The following RARG variants were observed in gnomAD, a reference collection of about 807,000 sequenced individuals.
RARG encodes the protein retinoic acid receptor gamma, also known as RAR-gamma.
A neutral mutation model predicts 43.7 loss-of-function variants in RARG; 17 were observed. That is an observed-to-expected ratio of 0.39 (90% CI 0.27 to 0.58). The LOEUF (loss-of-function observed/expected upper bound fraction) is 0.58. Among genes scored for constraint, RARG ranks in the 20% least tolerant of loss-of-function variants. The pLI is 0.57. For missense variants in RARG, 346 were observed against 598.7 expected, an observed-to-expected ratio of 0.58 and a Z score of 4.40; for synonymous variants, 238 against 236.4, an observed-to-expected ratio of 1.01 and a Z score of -0.06.
At chr12:53,212,169 G>C (rs1013131574) in intron 9 of RARG, among the ~76,000 whole-genome samples, 1 of 152,150 alleles carries the variant, frequency 6.6e-6, no homozygotes, top group Non-Finnish European at 1.5e-5. Context: ...CCCCACTCTC[G>C]AATGTCCAGA....
intron 2 of RARG, among the ~76,000 whole-genome samples, chr12:53,228,302 C>T (rs958212460): frequency 2.0e-5 from 3 of 152,186 alleles, no homozygotes; most frequent in Non-Finnish European, 4.4e-5. Context: ...CTCTCTGTGC[C>T]TCAGTTTCTT....
intron 7 of RARG, 56 bp downstream of exon 7, chr12:53,214,003 G>C: frequency 6.5e-7 from 1 of 1,543,380 alleles, no homozygotes; most frequent in Admixed American, 1.7e-5. Flanking sequence ...TCAAGGAATT[G>C]TTGAGGGTCC....
rs1942682028 is a variant in RARG, at chr12:53,213,924, G to C, written c.813+135C>G. ...ATCAGGTCATAGGGGCAGAGGCTAA[G>C]ACGAAAAGAGAGCTGAGGAGTCCCA... is the stretch of plus-strand genomic sequence containing the variant. On this transcript the variant is annotated intron_variant, in intron 7 of 9. Transcript: ENST00000425354. This position sits in a 1 kb window ranked among gnomAD's most constrained non-coding sequence, Gnocchi z 4.7. 8.4e-7 allele frequency: 1 copy of C among 1,193,742 alleles called. No individual in the cohort carries two copies. Among genetic ancestry groups the C allele is most frequent in the African/African-American group, 1.5e-5 (1 of 65,620 alleles). The allele number at this position is 1,193,742 out of a possible 1,614,324, so 73.9% of individuals were successfully genotyped here.
intron 3 of RARG, among the ~76,000 whole-genome samples, chr12:53,222,239 G>GAAAGA (rs1555181735): frequency 1.6e-3 from 156 of 96,264 alleles, no homozygotes; most frequent in Middle Eastern, 0.01. Flanking sequence ...GAGAGAGAAA[G>GAAAGA]AAAAGAAAGA....
rs76469686 is a variant in RARG, at chr12:53,226,124, T to A, written c.184+1238A>T. Reference sequence around the variant, plus strand: ...CAGCCTCCATGTAATTCAAAGCAATTTCACCTTTTTTTCTCTCTCTCTCAG... The same window carrying A: ...CAGCCTCCATGTAATTCAAAGCAATATCACCTTTTTTTCTCTCTCTCTCAG... On this transcript the variant is annotated intron_variant, in intron 3 of 9. Transcript: ENST00000425354. Among the ~76,000 whole-genome samples, 688 of 152,234 alleles carry A rather than the reference T, an allele frequency of 4.5e-3. 3 individuals are homozygous for A. The highest frequency in any genetic ancestry group is 0.016 in the African/African-American group (649 of 41,542).
In RARG at chr12:53,211,913, C is replaced by T; in HGVS notation, c.1178-50G>A. 7.5e-7 allele frequency: 1 copy of T among 1,329,988 alleles called. No individual in the cohort carries two copies. 82.4% of individuals were successfully genotyped at this position (1,329,988 alleles called of 1,614,324 possible). A position where few individuals can be genotyped will look rare whatever the true frequency, so the allele number is the denominator to read the frequency against. On this transcript the variant is annotated intron_variant, in intron 9 of 9. Transcript: ENST00000425354. The surrounding 1 kb of genome is among the most constrained non-coding windows in gnomAD (Gnocchi z 4.6). The stretch of plus-strand genomic sequence containing the variant: ...GGCTCAGGAGGACAGAGGCACATGG[C>T]CCTTAAGGCCATCTCCCTAACCTTT...
chr12:53,213,878 C>G lies in RARG; in HGVS notation c.814-178G>C, dbSNP rs1393211021. 4.7e-6 allele frequency: 5 copies of G among 1,060,352 alleles called. No individual in the cohort carries two copies. The African/African-American group carries it at 6.3e-5, about 13-fold the overall frequency. The allele number at this position is 1,060,352 out of a possible 1,614,324, so 65.7% of individuals were successfully genotyped here. Reference sequence around the variant, plus strand: ...GTAGTCCCGGGAAGTCAGGAGGAGACAGGGCATCCAAAAGTCTAGGATCAG... The same window carrying G: ...GTAGTCCCGGGAAGTCAGGAGGAGAGAGGGCATCCAAAAGTCTAGGATCAG... On this transcript the variant is annotated intron_variant, in intron 7 of 9. Transcript: ENST00000425354. This position sits in a 1 kb window ranked among gnomAD's most constrained non-coding sequence, Gnocchi z 4.7.
chr12:53,226,385 T>G (rs935205858), intron 3 of RARG, among the ~76,000 whole-genome samples: 2 of 152,198 alleles, frequency 1.3e-5, no homozygotes, highest in Non-Finnish European at 1.5e-5. Context: ...TGGAGTGCAG[T>G]GGCACGATCT....
chr12:53,223,800 A>G (rs2120712330), intron 3 of RARG, among the ~76,000 whole-genome samples: 1 of 152,206 alleles, frequency 6.6e-6, no homozygotes, highest in Admixed American at 6.5e-5. Flanking sequence ...TCTTTTAAGC[A>G]AGACTTTCTC....
intron 3 of RARG, among the ~76,000 whole-genome samples, chr12:53,225,021 T>C (rs2120718889): frequency 6.6e-6 from 1 of 152,204 alleles, no homozygotes; most frequent in African/African-American, 2.4e-5. Flanking sequence ...CCACTCCATC[T>C]CCTTTACTTG....
At chr12:53,219,528 G>A (rs1327807473) in intron 3 of RARG, among the ~76,000 whole-genome samples, 2 of 152,192 alleles carry the variant, frequency 1.3e-5, no homozygotes, top group African/African-American at 4.8e-5. Context: ...ACACCACCTA[G>A]GCAAGGCGCT....
At chr12:53,226,108 T>C (rs527720157) in intron 3 of RARG, among the ~76,000 whole-genome samples, 4 of 152,342 alleles carry the variant, frequency 2.6e-5, no homozygotes, top group Admixed American at 2.6e-4. Context: ...GCAGCCTCCA[T>C]GTAATTCAAA....
rs1942560763 is a variant in RARG, at chr12:53,210,592, C to A, written c.*1084G>T. ...CATGAGTTTCCATCACTTTATTTTG[C>A]AAAAATAGAAAACTCAGCAATATGC... On this transcript the variant is annotated 3_prime_UTR_variant, in exon 10 of 10. Transcript: ENST00000425354. 1 of 152,582 alleles carries A rather than the reference C, an allele frequency of 6.6e-6. No homozygotes were observed. Among genetic ancestry groups the A allele is most frequent in the African/African-American group, 2.4e-5 (1 of 41,428 alleles). 9.5% of individuals were successfully genotyped at this position (152,582 alleles called of 1,614,324 possible). A position where few individuals can be genotyped will look rare whatever the true frequency, so the allele number is the denominator to read the frequency against.
At chr12:53,225,220 T>G (rs1175234645) in intron 3 of RARG, among the ~76,000 whole-genome samples, 1 of 152,180 alleles carries the variant, frequency 6.6e-6, no homozygotes, top group Non-Finnish European at 1.5e-5. Flanking sequence ...TGTGCTGTCT[T>G]GTTCACCTAC....
Position 53,227,472 on chromosome 12 carries a change from A to G in RARG, c.74T>C (p.Phe25Ser). Residue 25 changes from phenylalanine to serine, a missense_variant, in exon 3 of 10, where the codon TTC becomes TCC. Physicochemically the swap from Phe to Ser is radical, Grantham distance 155. This residue lies in a region of RARG where 90 missense variants were observed against 93.2 expected (regional missense o/e 0.97). Coordinates refer to ENST00000425354, the MANE Select transcript of RARG (RefSeq NM_000966.6). The surrounding 1 kb of genome is among the most constrained non-coding windows in gnomAD (Gnocchi z 4.3). ...GAGTGCCCCTGGGAAGGCGAAGGGG[A>G]AACCTGCCCCTGGGTAGCCAGATCC... ...GPGSGYPGAG[F>S]PFAFPGALRG... The G allele has an allele frequency of 6.2e-7, 1 of 1,610,254 alleles. No homozygotes were observed. The highest frequency in any genetic ancestry group is 8.5e-7 in the Non-Finnish European group (1 of 1,178,442).
intron 3 of RARG, among the ~76,000 whole-genome samples, chr12:53,223,967 G>A (rs544538808): frequency 2.0e-5 from 3 of 152,236 alleles, no homozygotes; most frequent in East Asian, 3.9e-4. Context: ...TATCTGCTCA[G>A]GGGTGGGAGG....
rs1460441119 is a variant in RARG, at chr12:53,232,088, G to A, written c.-324C>T. On this transcript the variant is annotated 5_prime_UTR_variant, in exon 1 of 10. Coordinates refer to ENST00000425354, the MANE Select transcript of RARG (RefSeq NM_000966.6). The stretch of plus-strand genomic sequence containing the variant: ...CGCCGTACTGGGGGGCTCCTGGGGG[G>A]GCACGGCTCTAGGCTGGGACTGTCC... The A allele has an allele frequency of 7.5e-6, 3 of 398,512 alleles. No homozygotes were observed. Among genetic ancestry groups the A allele is most frequent in the Non-Finnish European group, 1.3e-5 (3 of 226,076 alleles). 24.7% of individuals were successfully genotyped at this position (398,512 alleles called of 1,614,324 possible).
rs747123379 is a variant in RARG, at chr12:53,213,469, A to G, written c.1018+27T>C. 6.2e-7 allele frequency: 1 copy of G among 1,608,424 alleles called. No individual in the cohort carries two copies. Among genetic ancestry groups the G allele is most frequent in the Non-Finnish European group, 8.5e-7 (1 of 1,177,150 alleles). ...TGGTGGGAAAGGAGACTGAGCACTG[A>G]GCAGACGCCAGGGGGCGCCCCCGCA... On this transcript the variant is annotated intron_variant, in intron 8 of 9. Coordinates refer to ENST00000425354, the MANE Select transcript of RARG (RefSeq NM_000966.6). This position sits in a 1 kb window ranked among gnomAD's most constrained non-coding sequence, Gnocchi z 4.7.
Position 53,215,180 on chromosome 12 carries a change from C to T in RARG, c.475+113G>A. ...ACTGGCCTGGGAGAAGGCAGCACCCCAGGGCAGGCCAAGTCTCAGAGGTCA... is the reference window on the plus strand; with the variant it reads ...ACTGGCCTGGGAGAAGGCAGCACCCTAGGGCAGGCCAAGTCTCAGAGGTCA... On this transcript the variant is annotated intron_variant, in intron 5 of 9. Coordinates refer to ENST00000425354, the MANE Select transcript of RARG (RefSeq NM_000966.6). This position sits in a 1 kb window ranked among gnomAD's most constrained non-coding sequence, Gnocchi z 6.4. 7.2e-7 allele frequency: 1 copy of T among 1,381,512 alleles called. No individual in the cohort carries two copies. The highest frequency in any genetic ancestry group is 9.9e-7 in the Non-Finnish European group (1 of 1,011,886). 85.6% of individuals were successfully genotyped at this position (1,381,512 alleles called of 1,614,324 possible). A position where few individuals can be genotyped will look rare whatever the true frequency, so the allele number is the denominator to read the frequency against.
Sources: allele counts gnomAD v4.1 joint callset (sites outside exome capture counted in the v4.1 genomes callset), GRCh38; gene constraint gnomAD v4.1.1; regional missense constraint gnomAD v4.1.1; non-coding constraint Gnocchi (gnomAD v3.1); transcripts MANE v1.5; gene names NCBI Gene and HGNC (gene_info 2026-07-23, HGNC 2026-07-21).